The following C1QTNF3 variants were observed in gnomAD, a reference collection of about 807,000 sequenced individuals.
C1QTNF3 encodes C1q and TNF related 3, also known as complement C1q tumor necrosis factor-related protein 3.
Under a neutral mutation model 32.6 loss-of-function variants are expected in C1QTNF3, and 26 were observed. The observed-to-expected ratio is 0.80, with a 90% CI of 0.58 to 1.11. The LOEUF (loss-of-function observed/expected upper bound fraction) is 1.11. C1QTNF3 is among the 50% of genes least tolerant of loss of function. The probability of loss-of-function intolerance (pLI) is 0.00; values close to 1 mark genes in which losing one functional copy is unlikely to be tolerated. For missense variants in C1QTNF3, 362 were observed against 398.2 expected (o/e 0.91, Z 0.77); for synonymous variants, 155 against 146.0 (o/e 1.06, Z -0.44).
chr5:34,173,795 CACTAGTTTA>C, the C1QTNF3 span, among the ~76,000 whole-genome samples: 49 of 147,504 alleles, frequency 3.3e-4, no homozygotes, highest in African/African-American at 1.2e-3. Flanking sequence ...TAGTTTAGGA[CACTAGTTTA>C]AACTACTGAA....
the C1QTNF3 span, among the ~76,000 whole-genome samples, chr5:34,172,561 C>G: frequency 6.6e-6 from 1 of 152,098 alleles, no homozygotes; most frequent in Non-Finnish European, 1.5e-5. Context: ...CTCTATGCAC[C>G]TAAGATTCAG....
chr5:34,091,139 C>A, the C1QTNF3 span, among the ~76,000 whole-genome samples: 1 of 152,134 alleles, frequency 6.6e-6, no homozygotes, highest in Non-Finnish European at 1.5e-5. Flanking sequence ...CACTGCGCAG[C>A]CTGGAAATGA....
At chr5:34,197,922 T>C in the C1QTNF3 span, among the ~76,000 whole-genome samples, 1,133 of 151,960 alleles carry the variant, frequency 7.5e-3, 16 homozygotes, top group African/African-American at 0.026. Context: ...AGGACGCTTT[T>C]TGGGGTCTCT....
the C1QTNF3 span, among the ~76,000 whole-genome samples, chr5:34,088,394 G>GT: frequency 6.6e-6 from 1 of 152,036 alleles, no homozygotes. Flanking sequence ...CCAAATATTT[G>GT]TGAGCAATCA....
the C1QTNF3 span, among the ~76,000 whole-genome samples, chr5:34,112,791 A>G: frequency 6.6e-6 from 1 of 152,190 alleles, no homozygotes; most frequent in Non-Finnish European, 1.5e-5. Context: ...TAACTAGGCA[A>G]TCACAATAAA....
At chr5:34,241,341 G>A in the C1QTNF3 span, among the ~76,000 whole-genome samples, 2 of 151,428 alleles carry the variant, frequency 1.3e-5, no homozygotes, top group Admixed American at 1.3e-4. Flanking sequence ...TAAAGATTAA[G>A]GCAAACTATC....
chr5:34,213,256 T>C, the C1QTNF3 span, among the ~76,000 whole-genome samples: 2 of 152,176 alleles, frequency 1.3e-5, no homozygotes, highest in Admixed American at 6.5e-5. Flanking sequence ...ATCACCATTA[T>C]AGATTGATCA....
chr5:34,029,760 T>C (rs558894479), intron 3 of C1QTNF3, among the ~76,000 whole-genome samples: 59 of 152,350 alleles, frequency 3.9e-4, no homozygotes, highest in African/African-American at 1.4e-3. Flanking sequence ...CATGTATTAA[T>C]TTTATATTCA....
chr5:34,023,844 A>T (rs181325708), intron 5 of C1QTNF3, 65 bp downstream of exon 5: 16 of 1,337,314 alleles, frequency 1.2e-5, no homozygotes, highest in Non-Finnish European at 1.6e-5. Context: ...CTTCCCTGTC[A>T]TTAGGCATTC....
At chr5:34,170,583 C>A in the C1QTNF3 span, among the ~76,000 whole-genome samples, 1 of 152,080 alleles carries the variant, frequency 6.6e-6, no homozygotes, top group Admixed American at 6.6e-5. Context: ...TAAATATGTG[C>A]AGTTCTCTGT....
the C1QTNF3 span, among the ~76,000 whole-genome samples, chr5:34,172,017 G>A: frequency 6.6e-6 from 1 of 152,088 alleles, no homozygotes; most frequent in Non-Finnish European, 1.5e-5. Context: ...GTTGTCAAAT[G>A]TTATAATAAA....
At position 34,020,487 on chromosome 5, in the gene C1QTNF3, A is replaced by G. The variant is rs1415319776; in HGVS notation, c.*96T>C. 7.1e-7 allele frequency: 1 copy of G among 1,405,788 alleles called. No homozygotes were observed. The highest frequency in any genetic ancestry group is 9.8e-7 in the Non-Finnish European group (1 of 1,024,538). The allele number at this position is 1,405,788 out of a possible 1,614,324, so 87.1% of individuals were successfully genotyped here. ...TTGCAACCAATAATTTTTTGAATAC[A>G]GCAATGTAAAACCCTCAACTTTAAT... On this transcript the variant is annotated 3_prime_UTR_variant, in exon 6 of 6. Coordinates refer to ENST00000382065, the MANE Select transcript of C1QTNF3 (RefSeq NM_181435.6).
At chr5:34,029,957 T>C (rs574051613) in intron 3 of C1QTNF3, among the ~76,000 whole-genome samples, 4 of 152,224 alleles carry the variant, frequency 2.6e-5, no homozygotes, top group Non-Finnish European at 5.9e-5. Context: ...ACAGTAATCA[T>C]CTCTTGGCAT....
At chr5:34,161,778 T>A in the C1QTNF3 span, among the ~76,000 whole-genome samples, 1 of 152,150 alleles carries the variant, frequency 6.6e-6, no homozygotes, top group African/African-American at 2.4e-5. Context: ...TATGGAGAGT[T>A]CTATAAATTA....
the C1QTNF3 span, among the ~76,000 whole-genome samples, chr5:34,220,397 G>A: frequency 2.6e-5 from 4 of 151,682 alleles, no homozygotes; most frequent in African/African-American, 7.3e-5. Flanking sequence ...GTCAATGATC[G>A]TCCTTCTCTA....
At chr5:34,223,126 G>A in the C1QTNF3 span, among the ~76,000 whole-genome samples, 1 of 146,202 alleles carries the variant, frequency 6.8e-6, no homozygotes, top group African/African-American at 2.5e-5. Flanking sequence ...CCATTAACTC[G>A]TCATTTAGCA....
the C1QTNF3 span, among the ~76,000 whole-genome samples, chr5:34,115,077 T>G: frequency 5.3e-5 from 8 of 152,268 alleles, no homozygotes; most frequent in African/African-American, 1.7e-4. Flanking sequence ...GTCATTAATA[T>G]TTTCAAAATT....
chr5:34,147,626 G>T, the C1QTNF3 span, among the ~76,000 whole-genome samples: 2 of 151,670 alleles, frequency 1.3e-5, no homozygotes, highest in Non-Finnish European at 2.9e-5. Flanking sequence ...AGCACACATG[G>T]GCATAAACAT....
At chr5:34,049,103 T>C in the C1QTNF3 span, among the ~76,000 whole-genome samples, 2 of 152,236 alleles carry the variant, frequency 1.3e-5, no homozygotes, top group South Asian at 2.1e-4. Context: ...ATTTAGGGTA[T>C]TCACAGACAA....
Sources: allele counts gnomAD v4.1 joint callset (sites outside exome capture counted in the v4.1 genomes callset), GRCh38; gene constraint gnomAD v4.1.1; transcripts MANE v1.5; gene names NCBI Gene and HGNC (gene_info 2026-07-23, HGNC 2026-07-21).